NEGR1: variants seen among roughly 807,000 people sequenced by gnomAD.
NEGR1 encodes IgLON family member 4.
A neutral mutation model predicts 40.9 loss-of-function variants in NEGR1; 10 were observed. That is an observed-to-expected ratio of 0.24 (90% CI 0.15 to 0.42). The LOEUF (loss-of-function observed/expected upper bound fraction) is 0.42. Ranked by LOEUF, NEGR1 falls within the 10% of genes least tolerant of loss-of-function variation. The pLI is 1.00. For missense variants in NEGR1, 352 were observed against 438.9 expected (o/e 0.80, Z 1.77); for synonymous variants, 185 against 166.8 (o/e 1.11, Z -0.84).
At position 71,680,126 on chromosome 1, in the gene NEGR1, CAT is replaced by C. The variant is rs542768109; in HGVS notation, c.667+17880_667+17881del. On this transcript the variant is annotated intron_variant, in intron 4 of 6. Coordinates refer to ENST00000357731, the MANE Select transcript of NEGR1 (RefSeq NM_173808.3). ...TTTAGTTATCAAATTATTAGAGCCT[CAT>C]AAAATTATTTGAAAGTTTTCTTTTT... Among the ~76,000 whole-genome samples, 165 of 152,030 alleles carry C rather than the reference CAT, an allele frequency of 1.1e-3. 1 individual carries two copies. Among genetic ancestry groups the C allele is most frequent in the African/African-American group, 3.9e-3 (161 of 41,538 alleles).
chr1:71,921,275 T>A (rs1164801918), intron 2 of NEGR1, among the ~76,000 whole-genome samples: 1 of 152,238 alleles, frequency 6.6e-6, no homozygotes, highest in African/African-American at 2.4e-5. Flanking sequence ...CTTTTGCGAA[T>A]ATTTACAACT....
intron 1 of NEGR1, among the ~76,000 whole-genome samples, chr1:71,988,923 TAAAAAA>T (rs10604833): frequency 0.16 from 13,326 of 82,108 alleles, 811 homozygotes; most frequent in South Asian, 0.26. Context: ...TATTGGATGT[TAAAAAA>T]AAAAAAAAAA....
chr1:71,592,582 G>A (rs142456027), intron 6 of NEGR1, among the ~76,000 whole-genome samples: 46 of 152,156 alleles, frequency 3.0e-4, no homozygotes, highest in Non-Finnish European at 5.4e-4. Context: ...TCCTTTCTCA[G>A]CTCTAACATA....
chr1:71,446,259 A>T (rs1224713814), intron 6 of NEGR1, among the ~76,000 whole-genome samples: 1 of 152,198 alleles, frequency 6.6e-6, no homozygotes, highest in African/African-American at 2.4e-5. Context: ...AGGCATTTCA[A>T]ATCAGTTGTG....
intron 1 of NEGR1, among the ~76,000 whole-genome samples, chr1:71,991,672 G>A (rs1159372614): frequency 6.7e-6 from 1 of 149,322 alleles, no homozygotes; most frequent in Admixed American, 6.6e-5. Flanking sequence ...TAATCCACTA[G>A]GTTGCAAATT....
chr1:71,468,367 C>T (rs1038145529), intron 6 of NEGR1: 5 of 151,910 alleles, frequency 3.3e-5, no homozygotes, highest in African/African-American at 1.2e-4. Context: ...ACCTTATCAA[C>T]CTTGGCATGG....
chr1:71,875,975 T>C (rs1660417562), intron 2 of NEGR1, among the ~76,000 whole-genome samples: 1 of 152,126 alleles, frequency 6.6e-6, no homozygotes, highest in Non-Finnish European at 1.5e-5. Flanking sequence ...AAGTTATACT[T>C]CCAAACGTTA....
chr1:71,438,672 T>C (rs1216639518), intron 6 of NEGR1, among the ~76,000 whole-genome samples: 2 of 152,232 alleles, frequency 1.3e-5, no homozygotes, highest in African/African-American at 4.8e-5. Context: ...AGTTATGCTG[T>C]GATGAACTGG....
chr1:71,808,293 A>G (rs991064344), intron 2 of NEGR1, among the ~76,000 whole-genome samples: 10 of 152,232 alleles, frequency 6.6e-5, no homozygotes, highest in African/African-American at 2.4e-4. Flanking sequence ...TAAATTCTTC[A>G]GTATCTACTA....
intron 2 of NEGR1, among the ~76,000 whole-genome samples, chr1:71,898,642 TAAAC>T (rs1234695170): frequency 6.9e-6 from 1 of 145,814 alleles, no homozygotes; most frequent in Non-Finnish European, 1.5e-5. Flanking sequence ...AAGAAACAAA[TAAAC>T]AAAAAAACTG....
At position 72,126,387 on chromosome 1, in the gene NEGR1, C is replaced by T. The variant is rs915088583; in HGVS notation, c.176+155932G>A. On this transcript the variant is annotated intron_variant, in intron 1 of 6. Transcript: ENST00000357731. ...AGATGTAATGGAATCTAGATGGATA[C>T]GTATTATTTATTTCTGATTAAGTAT... is the stretch of plus-strand genomic sequence containing the variant. 6.6e-5 allele frequency among the ~76,000 whole-genome samples: 10 copies of T among 151,990 alleles called. 1 individual carries two copies. Among genetic ancestry groups the T allele is most frequent in the Admixed American group, 2.6e-4 (4 of 15,264 alleles).
intron 4 of NEGR1, among the ~76,000 whole-genome samples, chr1:71,689,905 C>A (rs984543121): frequency 1.3e-5 from 2 of 151,272 alleles, no homozygotes; most frequent in Non-Finnish European, 3.0e-5. Flanking sequence ...AGATATTTAA[C>A]GTTATTTTAA....
chr1:71,639,942 C>CT (rs1308511520), intron 4 of NEGR1, among the ~76,000 whole-genome samples: 1 of 152,010 alleles, frequency 6.6e-6, no homozygotes, highest in East Asian at 1.9e-4. Context: ...AATTGTTATA[C>CT]TTTTTGCAAA....
At chr1:71,763,982 T>C (rs1016111375) in intron 3 of NEGR1, among the ~76,000 whole-genome samples, 1 of 152,172 alleles carries the variant, frequency 6.6e-6, no homozygotes, top group African/African-American at 2.4e-5. Context: ...TGCTAAGCCA[T>C]GTAGTATAAA....
rs191632839 is a variant in NEGR1, at chr1:71,472,283, G to C, written c.941-64713C>G. On this transcript the variant is annotated intron_variant, in intron 6 of 6. Coordinates refer to ENST00000357731, the MANE Select transcript of NEGR1 (RefSeq NM_173808.3). ...ATGTCTACTACAAAATTGTCTGACT[G>C]GCTATCATTTTTTCCTAATTTGGAG... Among the ~76,000 whole-genome samples, 5 of 152,148 alleles carry C rather than the reference G, an allele frequency of 3.3e-5. 1 individual carries two copies. In the East Asian group the frequency reaches 9.7e-4, roughly 30 times the overall value.
chr1:72,106,389 G>A (rs533042435), intron 1 of NEGR1, among the ~76,000 whole-genome samples: 1 of 152,076 alleles, frequency 6.6e-6, no homozygotes, highest in East Asian at 1.9e-4. Context: ...AAATTTCACT[G>A]TCCACTTCCC....
At chr1:72,094,959 C>T (rs1001152906) in intron 1 of NEGR1, among the ~76,000 whole-genome samples, 3 of 152,040 alleles carry the variant, frequency 2.0e-5, no homozygotes, top group Non-Finnish European at 4.4e-5. Context: ...GGTGATTTTC[C>T]TTTTTAATAT....
chr1:72,273,729 G>A (rs1570210384), intron 1 of NEGR1, among the ~76,000 whole-genome samples: 1 of 151,548 alleles, frequency 6.6e-6, no homozygotes, highest in African/African-American at 2.4e-5. Flanking sequence ...AAAGTAGACT[G>A]TGTCCTGTAA....
At chr1:71,705,799 AG>A (rs1304017624) in intron 3 of NEGR1, among the ~76,000 whole-genome samples, 1 of 151,634 alleles carries the variant, frequency 6.6e-6, no homozygotes, top group Non-Finnish European at 1.5e-5. Context: ...GGAAAAGAAA[AG>A]AAAAGAGAGG....
Sources: gnomAD v4.1 joint callset for allele counts (sites outside exome capture counted in the v4.1 genomes callset) on GRCh38, gnomAD v4.1.1 for gene constraint, MANE v1.5 for transcripts, NCBI Gene and HGNC (gene_info 2026-07-23, HGNC 2026-07-21) for gene names.